Variants in ADGRF5 observed in about 807,000 individuals in gnomAD.
ADGRF5 encodes the protein G-protein coupled receptor 116.
In ADGRF5, 75 loss-of-function variants were observed where a neutral mutation model predicts 132.3. That is an observed-to-expected ratio of 0.57 (90% CI 0.47 to 0.69). ADGRF5 has a LOEUF of 0.69. Among genes scored for constraint, ADGRF5 ranks in the 30% least tolerant of loss-of-function variants. ADGRF5 has a pLI of 0.00. For synonymous variants in ADGRF5, 629 were observed against 597.6 expected, an observed-to-expected ratio of 1.05 and a Z score of -0.77; for missense variants, 1,516 against 1,630.6, an observed-to-expected ratio of 0.93 and a Z score of 1.21.
chr6:46,924,303 A>G (rs998006279), upstream of ADGRF5, among the ~76,000 whole-genome samples: 2 of 152,188 alleles, frequency 1.3e-5, no homozygotes, highest in Non-Finnish European at 2.9e-5. Flanking sequence ...ACCACACTGC[A>G]TTCAAACAAT....
intron 18 of ADGRF5, 41 bp downstream of exon 18, chr6:46,856,826 T>G: frequency 6.2e-7 from 1 of 1,605,420 alleles, no homozygotes; most frequent in Non-Finnish European, 8.5e-7. Flanking sequence ...CCACAAGCAC[T>G]TCAGACTTTT....
chr6:46,923,138 G>C (rs1777072143), upstream of ADGRF5, among the ~76,000 whole-genome samples: 1 of 152,164 alleles, frequency 6.6e-6, no homozygotes, highest in African/African-American at 2.4e-5. Context: ...TGTTGGCCAG[G>C]CTGGTCTCAA....
intron 1 of ADGRF5, among the ~76,000 whole-genome samples, chr6:46,906,988 C>T (rs368865851): frequency 6.6e-6 from 1 of 152,128 alleles, no homozygotes; most frequent in Non-Finnish European, 1.5e-5. Flanking sequence ...TAGGGGAATG[C>T]GGGTTGATAG....
At chr6:46,863,195 C>T (rs1388951393) in intron 14 of ADGRF5, 99 bp from the exon 15 acceptor site, 9 of 913,646 alleles carry the variant, frequency 9.9e-6, no homozygotes, top group Middle Eastern at 2.1e-4. Context: ...TTTGAATTCA[C>T]ATTTACCTTT....
At chr6:46,897,458 T>C (rs1285750100) in intron 3 of ADGRF5, among the ~76,000 whole-genome samples, 1 of 152,132 alleles carries the variant, frequency 6.6e-6, no homozygotes, top group Non-Finnish European at 1.5e-5. Context: ...AGAGCCCAGT[T>C]CTAACACCTC....
At chr6:46,936,162 C>T (rs137955791) in intron 1 of ADGRF5, among the ~76,000 whole-genome samples, 67 of 152,298 alleles carry the variant, frequency 4.4e-4, no homozygotes, top group African/African-American at 1.5e-3. Context: ...CCCCATTTTA[C>T]AGATGAGGAA....
chr6:46,868,959 T>C lies in ADGRF5; in HGVS notation c.1545A>G (p.Arg515=). The change falls in exon 12 of 21, where the codon AGA becomes AGG. Residue 515 remains arginine, a synonymous_variant. Transcript: ENST00000283296. Reference sequence around the variant, plus strand: ...CAAGATACCTCCTCGTGGTATAAAATCTTTGGTATATTTTAATTCCAGCAG... The same window carrying C: ...CAAGATACCTCCTCGTGGTATAAAACCTTTGGTATATTTTAATTCCAGCAG... The part of the protein sequence containing the change: ...NTSAGIKIYQ[R]FYTTRRYLDG... The C allele has an allele frequency of 1.2e-6, 2 of 1,613,404 alleles. No homozygotes were observed. Among genetic ancestry groups the C allele is most frequent in the Non-Finnish European group, 1.7e-6 (2 of 1,179,338 alleles).
intron 1 of ADGRF5, among the ~76,000 whole-genome samples, chr6:46,944,367 T>C (rs1183486430): frequency 6.6e-6 from 1 of 152,228 alleles, no homozygotes; most frequent in Admixed American, 6.5e-5. Flanking sequence ...CATGTCCTGC[T>C]GTGTCACCTG....
rs148433172 is a variant in ADGRF5, at chr6:46,946,247, C to T, written c.-25+8487G>A. On this transcript the variant is annotated intron_variant, in intron 1 of 20. Transcript: ENST00000265417. The stretch of plus-strand genomic sequence containing the variant: ...TGCAGCCAGAGAAGAAGGAGGGAGG[C>T]CAGGAGCATTGGTGTCCTGGAAGGC... Among the ~76,000 whole-genome samples, 45 of 152,144 alleles carry T rather than the reference C, an allele frequency of 3.0e-4. No homozygotes were observed. In the East Asian group the frequency reaches 7.5e-3, roughly 25 times the overall value.
In ADGRF5 at chr6:46,853,142, G is replaced by T. The variant is rs1768665956; in HGVS notation, c.*850C>A. On this transcript the variant is annotated 3_prime_UTR_variant, in exon 21 of 21. Transcript: ENST00000283296. ...AACTATAAAAATTTAATCAGCACTT[G>T]GATCTAATGACATATCTTTGTAATA... 6.6e-6 allele frequency: 1 copy of T among 152,468 alleles called. No individual in the cohort carries two copies. The highest frequency in any genetic ancestry group is 2.4e-5 in the African/African-American group (1 of 41,420). 9.4% of individuals were successfully genotyped at this position (152,468 alleles called of 1,614,324 possible).
chr6:46,924,986 C>T (rs747344709), upstream of ADGRF5, among the ~76,000 whole-genome samples: 5 of 152,208 alleles, frequency 3.3e-5, no homozygotes, highest in Non-Finnish European at 7.3e-5. Flanking sequence ...TGCATCTCCT[C>T]TTGTCACTTA....
chr6:46,922,448 G>A (rs1046424336), upstream of ADGRF5, among the ~76,000 whole-genome samples: 5 of 152,208 alleles, frequency 3.3e-5, no homozygotes, highest in African/African-American at 1.2e-4. Context: ...GAGTATTTGT[G>A]TATCAAACTA....
intron 2 of ADGRF5, among the ~76,000 whole-genome samples, chr6:46,904,923 G>T (rs959721301): frequency 6.6e-6 from 1 of 151,550 alleles, no homozygotes; most frequent in Non-Finnish European, 1.5e-5. Context: ...GAAAAGTGGG[G>T]TCCTTTGAGG....
chr6:46,888,289 C>G (rs754490801), intron 4 of ADGRF5, 46 bp downstream of exon 4: 9 of 1,379,750 alleles, frequency 6.5e-6, no homozygotes, highest in Non-Finnish European at 8.2e-6. Flanking sequence ...CAGTCTGTCT[C>G]AAGACATCCA....
chr6:46,948,968 T>A (rs1778398918), intron 1 of ADGRF5, among the ~76,000 whole-genome samples: 1 of 152,186 alleles, frequency 6.6e-6, no homozygotes, highest in African/African-American at 2.4e-5. Context: ...GGGCCATGCT[T>A]TGGACATGAG....
At chr6:46,880,070 C>T (rs765475372) in intron 8 of ADGRF5, 31 bp from the exon 9 acceptor site, 7 of 1,492,488 alleles carry the variant, frequency 4.7e-6, no homozygotes, top group Admixed American at 3.4e-5. Flanking sequence ...TAATAAGATC[C>T]CAAAGCAAAT....
chr6:46,864,941 T>C, intron 14 of ADGRF5, 101 bp downstream of exon 14: 1 of 806,622 alleles, frequency 1.2e-6, no homozygotes, highest in Non-Finnish European at 2.0e-6. Flanking sequence ...AGTGAGGGTA[T>C]TTAACATATG....
intron 10 of ADGRF5, among the ~76,000 whole-genome samples, chr6:46,877,342 T>C (rs55756715): frequency 0.23 from 7,262 of 31,512 alleles, 565 homozygotes; most frequent in Non-Finnish European, 0.25. Context: ...TCTTTCTTTC[T>C]TTCTTTCTTT....
chr6:46,882,084 T>G lies in ADGRF5; in HGVS notation c.636A>C (p.Leu212Phe), dbSNP rs1202980220. Reference protein sequence around the residue: ...ETAFRKGYGILPGFKGVTVTG... With the variant: ...ETAFRKGYGIFPGFKGVTVTG... ...TCACAGTCACGCCCTTGAAGCCTGG[T>G]AAAATTCCGTAACCCTTCCGGAACT... Residue 212 changes from leucine to phenylalanine, a missense_variant, in exon 7 of 21, where the codon TTA becomes TTC. Physicochemically the swap from Leu to Phe is conservative, Grantham distance 22 (BLOSUM62 0). This residue lies in a region of ADGRF5 where 945 missense variants were observed against 929.4 expected (regional missense o/e 1.02). Coordinates refer to ENST00000283296, the MANE Select transcript of ADGRF5 (RefSeq NM_001098518.2). 1 of 1,611,658 alleles carries G rather than the reference T, an allele frequency of 6.2e-7. No homozygotes were observed. Among genetic ancestry groups the G allele is most frequent in the South Asian group, 1.1e-5 (1 of 91,024 alleles).
Sources: allele counts gnomAD v4.1 joint callset (sites outside exome capture counted in the v4.1 genomes callset), GRCh38; gene constraint gnomAD v4.1.1; regional missense constraint gnomAD v4.1.1; transcripts MANE v1.5; gene names NCBI Gene and HGNC (gene_info 2026-07-23, HGNC 2026-07-21).